Variants in TTC39C observed in about 807,000 individuals in gnomAD.
The protein encoded by TTC39C is tetratricopeptide repeat domain 39C.
In TTC39C, 33 loss-of-function variants were observed where a neutral mutation model predicts 76.3. The observed-to-expected ratio is 0.43, with a 90% CI of 0.33 to 0.58. The LOEUF (loss-of-function observed/expected upper bound fraction) is 0.58. Ranked by LOEUF, TTC39C falls within the 20% of genes least tolerant of loss-of-function variation. The pLI is 0.04. For missense variants in TTC39C, 595 were observed against 701.4 expected (o/e 0.85, Z 1.71); for synonymous variants, 254 against 260.6 (o/e 0.97, Z 0.24).
At chr18:24,019,678 A>G (rs751906755) in intron 1 of TTC39C, among the ~76,000 whole-genome samples, 3 of 152,382 alleles carry the variant, frequency 2.0e-5, no homozygotes, top group South Asian at 2.1e-4. Context: ...TTGGTAAACT[A>G]TGGCCCGTGG....
At position 24,086,391 on chromosome 18, in the gene TTC39C, G is replaced by A. The variant is rs184938381; in HGVS notation, c.984+3310G>A. 2.6e-5 allele frequency among the ~76,000 whole-genome samples: 4 copies of A among 152,304 alleles called. No individual in the cohort carries two copies. In the East Asian group the frequency reaches 7.7e-4, roughly 29 times the overall value. ...TCGTTATTTTCAAATCCTGTTGAGT[G>A]CCCACTTTTTCTTTTAGTTTTGTTA... On this transcript the variant is annotated intron_variant, in intron 6 of 13. Coordinates refer to ENST00000317571, the MANE Select transcript of TTC39C (RefSeq NM_001135993.2).
At chr18:24,110,762 C>G (rs2084798780) in intron 6 of TTC39C, among the ~76,000 whole-genome samples, 1 of 152,224 alleles carries the variant, frequency 6.6e-6, no homozygotes, top group Non-Finnish European at 1.5e-5. Context: ...AATAAACATG[C>G]CCTACTTAAT....
intron 1 of TTC39C, among the ~76,000 whole-genome samples, chr18:24,055,374 T>G (rs2084002473): frequency 6.6e-6 from 1 of 152,232 alleles, no homozygotes; most frequent in South Asian, 2.1e-4. Context: ...GGTTCCAGTT[T>G]CTCCACATCC....
intron 4 of TTC39C, among the ~76,000 whole-genome samples, chr18:24,079,861 G>A (rs2145756944): frequency 6.6e-6 from 1 of 150,756 alleles, no homozygotes; most frequent in East Asian, 2.0e-4. Flanking sequence ...GCATGCCGTG[G>A]CACAGTTGTG....
chr18:24,015,557 G>T (rs907560385), intron 1 of TTC39C, among the ~76,000 whole-genome samples: 2 of 152,124 alleles, frequency 1.3e-5, no homozygotes, highest in Non-Finnish European at 2.9e-5. Context: ...AAACAGATAC[G>T]CACAATTGCT....
chr18:24,053,032 G>A (rs12963087), intron 1 of TTC39C, among the ~76,000 whole-genome samples: 91,786 of 152,046 alleles, frequency 0.6, 29,872 homozygotes, highest in Middle Eastern at 0.75. Flanking sequence ...AGATGCTGTC[G>A]AATCATATAT....
intron 5 of TTC39C, among the ~76,000 whole-genome samples, chr18:24,081,447 G>A (rs945472349): frequency 6.6e-6 from 1 of 152,122 alleles, no homozygotes; most frequent in South Asian, 2.1e-4. Flanking sequence ...AATTATTTAA[G>A]CAGGAGAGCA....
intron 1 of TTC39C, among the ~76,000 whole-genome samples, chr18:23,997,667 A>AAAGAAGGAAAGC (rs1317908168): frequency 7.7e-6 from 1 of 129,142 alleles, no homozygotes; most frequent in South Asian, 2.8e-4. Context: ...AGAAAGAAAG[A>AAAGAAGGAAAGC]AAGAAAGAAA....
intron 6 of TTC39C, among the ~76,000 whole-genome samples, chr18:24,102,895 C>T (rs535182709): frequency 6.6e-6 from 1 of 152,314 alleles, no homozygotes; most frequent in East Asian, 1.9e-4. Context: ...CTGCTTGAAC[C>T]CAGGAGTTTG....
At chr18:24,082,488 C>A (rs987692777) in intron 5 of TTC39C, among the ~76,000 whole-genome samples, 3 of 152,058 alleles carry the variant, frequency 2.0e-5, no homozygotes, top group Non-Finnish European at 4.4e-5. Flanking sequence ...CAAGAGAAAA[C>A]AACATTTTCC....
intron 6 of TTC39C, among the ~76,000 whole-genome samples, chr18:24,112,043 C>T (rs937437103): frequency 1.4e-4 from 22 of 152,138 alleles, no homozygotes; most frequent in African/African-American, 4.6e-4. Context: ...TACTTGCTCT[C>T]GGCATAATGC....
chr18:24,104,804 C>T (rs537918816), intron 6 of TTC39C, among the ~76,000 whole-genome samples: 1 of 151,964 alleles, frequency 6.6e-6, no homozygotes, highest in East Asian at 1.9e-4. Context: ...TGTGATGTAG[C>T]TCCTGGACTT....
intron 1 of TTC39C, among the ~76,000 whole-genome samples, chr18:24,049,727 G>A (rs1016084786): frequency 5.3e-5 from 8 of 152,160 alleles, no homozygotes; most frequent in Non-Finnish European, 7.3e-5. Flanking sequence ...TGGCCCAGGC[G>A]GGAACCCTCA....
chr18:24,014,729 T>TCCCTCCCGTCTTCTC, upstream of TTC39C: 1 of 1,129,326 alleles, frequency 8.9e-7, no homozygotes, highest in Non-Finnish European at 1.1e-6. Context: ...TCCCTCCTCT[T>TCCCTCCCGTCTTCTC]CCCTCCCGTC....
chr18:24,065,514 A>G (rs771351032), intron 2 of TTC39C, among the ~76,000 whole-genome samples: 4 of 152,234 alleles, frequency 2.6e-5, no homozygotes, highest in Non-Finnish European at 4.4e-5. Context: ...AACATAGACA[A>G]TATAAAATGA....
At chr18:24,126,060 A>C (rs1451155822) in intron 10 of TTC39C, among the ~76,000 whole-genome samples, 1 of 152,092 alleles carries the variant, frequency 6.6e-6, no homozygotes, top group East Asian at 1.9e-4. Context: ...GGTGGTGTGC[A>C]CCTATAGTCC....
intron 1 of TTC39C, among the ~76,000 whole-genome samples, chr18:24,045,379 G>T (rs543620918): frequency 2.0e-5 from 3 of 151,810 alleles, no homozygotes; most frequent in African/African-American, 7.3e-5. Context: ...AGTATAAGGC[G>T]CTCTGCTTTG....
chr18:23,993,272 A>G (rs1232523277), intron 1 of TTC39C, among the ~76,000 whole-genome samples: 1 of 152,228 alleles, frequency 6.6e-6, no homozygotes, highest in Admixed American at 6.5e-5. Context: ...TCTCAGTGCC[A>G]TTCTTTAAAA....
intron 1 of TTC39C, among the ~76,000 whole-genome samples, chr18:23,997,142 C>A (rs999521596): frequency 1.3e-5 from 2 of 152,096 alleles, no homozygotes; most frequent in Admixed American, 6.6e-5. Context: ...TTAGGCAGGG[C>A]ACAGTGGCTC....
Sources: gnomAD v4.1 joint callset for allele counts (sites outside exome capture counted in the v4.1 genomes callset) on GRCh38, gnomAD v4.1.1 for gene constraint, MANE v1.5 for transcripts, NCBI Gene and HGNC (gene_info 2026-07-23, HGNC 2026-07-21) for gene names.